Variants in METAP2 observed in about 807,000 individuals in gnomAD.
METAP2 encodes methionyl aminopeptidase 2.
METAP2 carries 25 observed loss-of-function variants against 59.4 expected under a neutral mutation model. The observed-to-expected ratio is 0.42, with a 90% CI of 0.31 to 0.59. METAP2 has a LOEUF of 0.59. METAP2 is among the 20% of genes least tolerant of loss of function. The pLI is 0.16. For synonymous variants in METAP2, 214 were observed against 194.1 expected (o/e 1.10, Z -0.85); for missense variants, 366 against 581.2 (o/e 0.63, Z 3.81).
At chr12:95,485,164 C>T (rs1301316035) in intron 3 of METAP2, among the ~76,000 whole-genome samples, 1 of 150,114 alleles carries the variant, frequency 6.7e-6, no homozygotes, top group Non-Finnish European at 1.5e-5. Flanking sequence ...TTCATCTGAT[C>T]GTTCATTTTG....
intron 8 of METAP2, among the ~76,000 whole-genome samples, chr12:95,508,036 C>T (rs112275506): frequency 0.087 from 13,124 of 151,578 alleles, 801 homozygotes; most frequent in African/African-American, 0.17. Flanking sequence ...CCTGCCTCGG[C>T]CTCCCAAAGT....
Position 95,483,388 on chromosome 12 carries a change from A to G in METAP2, c.325+108A>G. The G allele has an allele frequency of 1.5e-5, 11 of 744,232 alleles. No homozygotes were observed. The South Asian group carries it at 1.6e-4, about 11-fold the overall frequency. 46.1% of individuals were successfully genotyped at this position (744,232 alleles called of 1,614,324 possible). A position where few individuals can be genotyped will look rare whatever the true frequency, so the allele number is the denominator to read the frequency against. On this transcript the variant is annotated intron_variant, in intron 3 of 10. Transcript: ENST00000323666. ...CTACTCCGGAGGCTGAGGCAGGAGA[A>G]TTGCTGGAACCCAAGAGACGGAGAT...
At chr12:95,507,214 T>C (rs1386168849) in intron 8 of METAP2, among the ~76,000 whole-genome samples, 1 of 152,244 alleles carries the variant, frequency 6.6e-6, no homozygotes, top group African/African-American at 2.4e-5. Flanking sequence ...GTAGGGTTAA[T>C]GGTATCTAGT....
intron 4 of METAP2, among the ~76,000 whole-genome samples, chr12:95,490,272 G>GTT (rs530529363): frequency 2.1e-4 from 27 of 127,334 alleles, no homozygotes; most frequent in East Asian, 2.3e-4. Flanking sequence ...CGGCATAGTA[G>GTT]TTTTTTTTTT....
chr12:95,480,858 A>G (rs1048508427), intron 2 of METAP2, among the ~76,000 whole-genome samples: 1 of 152,198 alleles, frequency 6.6e-6, no homozygotes, highest in Non-Finnish European at 1.5e-5. Flanking sequence ...AGTCCAATCT[A>G]TCTGTTTTTT....
At position 95,514,112 on chromosome 12, in the gene METAP2, C is replaced by G. The variant is rs529577927; in HGVS notation, c.*208C>G. 12 of 531,952 alleles carry G rather than the reference C, an allele frequency of 2.3e-5. No individual in the cohort carries two copies. The East Asian group carries it at 3.8e-4, about 17-fold the overall frequency. 33.0% of individuals were successfully genotyped at this position (531,952 alleles called of 1,614,324 possible). The stretch of plus-strand genomic sequence containing the variant: ...AGCTTTCCGGACTTTTAAATGCTAA[C>G]TGTTTTTCCCCTTCCTGTCTAGGAA... On this transcript the variant is annotated 3_prime_UTR_variant, in exon 11 of 11. Transcript: ENST00000323666.
At chr12:95,499,858 C>A (rs1158362714) in intron 7 of METAP2, among the ~76,000 whole-genome samples, 1 of 152,108 alleles carries the variant, frequency 6.6e-6, no homozygotes, top group Non-Finnish European at 1.5e-5. Flanking sequence ...CTTCACATGG[C>A]AGCAGGAGAG....
chr12:95,478,843 A>C (rs1193642721), intron 2 of METAP2, among the ~76,000 whole-genome samples: 3 of 152,166 alleles, frequency 2.0e-5, no homozygotes, highest in Non-Finnish European at 2.9e-5. Flanking sequence ...CTGAGAAAAC[A>C]TTTGAAGCAT....
chr12:95,484,721 TCTGC>T (rs1555190549), intron 3 of METAP2: 1 of 368,862 alleles, frequency 2.7e-6, no homozygotes, highest in Non-Finnish European at 5.2e-6. Flanking sequence ...CTTTTTTTTT[TCTGC>T]TTAGTATCAA....
chr12:95,491,848 C>G (rs2076240003), intron 4 of METAP2, among the ~76,000 whole-genome samples: 1 of 152,030 alleles, frequency 6.6e-6, no homozygotes, highest in Non-Finnish European at 1.5e-5. Context: ...ATTCTGTCAC[C>G]CAGGCTGGAG....
intron 3 of METAP2, among the ~76,000 whole-genome samples, chr12:95,483,657 T>C (rs2076175867): frequency 6.6e-6 from 1 of 152,198 alleles, no homozygotes; most frequent in African/African-American, 2.4e-5. Flanking sequence ...ATCCTTTATT[T>C]TCTTTAGCTG....
intron 8 of METAP2, 115 bp downstream of exon 8, chr12:95,504,276 C>T (rs551421420): frequency 7.5e-5 from 52 of 691,520 alleles, no homozygotes; most frequent in South Asian, 3.2e-4. Context: ...GGAAAGAAGA[C>T]GGGAAATGAC....
At chr12:95,505,909 A>T (rs1352277099) in intron 8 of METAP2, among the ~76,000 whole-genome samples, 5 of 151,472 alleles carry the variant, frequency 3.3e-5, no homozygotes, top group Non-Finnish European at 7.4e-5. Context: ...AGCCTGGCCA[A>T]CATGGTAAAA....
At chr12:95,480,497 G>A (rs1045762181) in intron 2 of METAP2, among the ~76,000 whole-genome samples, 1 of 152,188 alleles carries the variant, frequency 6.6e-6, no homozygotes, top group African/African-American at 2.4e-5. Flanking sequence ...ATGGTTGAGA[G>A]TTTCAGGTTG....
chr12:95,490,012 A>G (rs1315528016), intron 4 of METAP2, among the ~76,000 whole-genome samples: 1 of 152,232 alleles, frequency 6.6e-6, no homozygotes, highest in East Asian at 1.9e-4. Flanking sequence ...TGTCATATAC[A>G]AATAACATTC....
At chr12:95,491,755 G>A (rs1463601517) in intron 4 of METAP2, among the ~76,000 whole-genome samples, 1 of 150,700 alleles carries the variant, frequency 6.6e-6, no homozygotes, top group Non-Finnish European at 1.5e-5. Flanking sequence ...CATGCAGTCT[G>A]TCCCCCTTGC....
chr12:95,512,400 G>A (rs746504311), intron 9 of METAP2, among the ~76,000 whole-genome samples: 5 of 152,052 alleles, frequency 3.3e-5, no homozygotes, highest in Non-Finnish European at 5.9e-5. Flanking sequence ...TAATCAGGTA[G>A]AGACTTCAAG....
At position 95,474,269 on chromosome 12, in the gene METAP2, G is replaced by C. The variant is rs753020066; in HGVS notation, c.90G>C (p.Thr30=). ...PDDREEGAAS[T]AEEAAKKKRR... ...ACAGGGAAGAAGGAGCTGCCTCTAC[G>C]GCTGAGGAAGCAGCCAAGAAAAAAA... Residue 30 remains threonine, a synonymous_variant, in exon 1 of 11, where the codon ACG becomes ACC. Transcript: ENST00000323666. 2.5e-6 allele frequency: 4 copies of C among 1,614,246 alleles called. No individual in the cohort carries two copies. The highest frequency in any genetic ancestry group is 3.4e-6 in the Non-Finnish European group (4 of 1,180,038).
chr12:95,488,511 CAAAAAAAAA>C lies in METAP2; in HGVS notation c.428+2550_428+2558del, dbSNP rs537119415. Reference sequence around the variant, plus strand: ...GTGACAGAGCGAGACTTTGTCTCACCAAAAAAAAAAAAAAAAAAAAAAAAAAAATACTTC... The same window carrying C: ...GTGACAGAGCGAGACTTTGTCTCACCAAAAAAAAAAAAAAAAAAATACTTC... On this transcript the variant is annotated intron_variant, in intron 4 of 10. Coordinates refer to ENST00000323666, the MANE Select transcript of METAP2 (RefSeq NM_006838.4). Among the ~76,000 whole-genome samples the C allele has an allele frequency of 2.1e-3, 161 of 76,554 alleles. 2 individuals are homozygous for C. The highest frequency in any genetic ancestry group is 6.3e-3 in the Admixed American group (53 of 8,392). 50.2% of individuals were successfully genotyped at this position (76,554 alleles called of 152,430 possible).
Sources: gnomAD v4.1 joint callset for allele counts (sites outside exome capture counted in the v4.1 genomes callset) on GRCh38, gnomAD v4.1.1 for gene constraint, MANE v1.5 for transcripts, NCBI Gene and HGNC (gene_info 2026-07-23, HGNC 2026-07-21) for gene names.